ACAP3: variants seen among roughly 807,000 people sequenced by gnomAD.
The protein encoded by ACAP3 is arf-GAP with coiled-coil, ANK repeat and PH domain-containing protein 3.
A neutral mutation model predicts 104.1 loss-of-function variants in ACAP3; 56 were observed. The ratio of observed to expected loss-of-function variants is 0.54; its 90% CI spans 0.43 to 0.67. The LOEUF is 0.67. Among genes scored for constraint, ACAP3 ranks in the 30% least tolerant of loss-of-function variants. The pLI is 0.00. For missense variants in ACAP3, 1,208 were observed against 1,174.9 expected, an observed-to-expected ratio of 1.03 and a Z score of -0.41; for synonymous variants, 628 against 496.2, an observed-to-expected ratio of 1.27 and a Z score of -3.53.
rs115280881 is a variant in ACAP3 at position 1,294,934 on chromosome 1, G to C, written c.1814-118C>G. Reference sequence around the variant, plus strand: ...GGGGCCACCCCTAGGGACAGGACCAGCTCCCACCCAGGGCCGGGGGGAGCC... The same window carrying C: ...GGGGCCACCCCTAGGGACAGGACCACCTCCCACCCAGGGCCGGGGGGAGCC... On this transcript the variant is annotated intron_variant, in intron 19 of 23. Coordinates refer to ENST00000354700, the MANE Select transcript of ACAP3 (RefSeq NM_030649.3). 8.5e-4 allele frequency: 853 copies of C among 1,000,316 alleles called. 1 individual carries two copies. In the African/African-American group the frequency reaches 0.013, roughly 15 times the overall value. 62.0% of individuals were successfully genotyped at this position (1,000,316 alleles called of 1,614,324 possible). A position where few individuals can be genotyped will look rare whatever the true frequency, so the allele number is the denominator to read the frequency against.
At position 1,303,119 on chromosome 1, in the gene ACAP3, C is replaced by A. The variant is rs1641523739; in HGVS notation, c.225+43G>T. On this transcript the variant is annotated intron_variant, in intron 3 of 23. Transcript: ENST00000354700. This position sits in a 1 kb window ranked among gnomAD's most constrained non-coding sequence, Gnocchi z 4.0. ...CAAGGGGCTGCCTCCCTCGGCCTCT[C>A]CCCCAACCCCACCTTGAGGTCAGAG... 2 of 1,567,948 alleles carry A rather than the reference C, an allele frequency of 1.3e-6. No homozygotes were observed. The highest frequency in any genetic ancestry group is 8.6e-7 in the Non-Finnish European group (1 of 1,156,748).
In ACAP3 at chr1:1,295,376, C is replaced by T. The variant is rs1008632269; in HGVS notation, c.1813+71G>A. On this transcript the variant is annotated intron_variant, in intron 19 of 23. Coordinates refer to ENST00000354700, the MANE Select transcript of ACAP3 (RefSeq NM_030649.3). ...TCCATTCCCTGGCAAGGGCCATCCA[C>T]ACTCAGGCACCCTTCAGGCCAGCCT... The T allele has an allele frequency of 9.1e-6, 13 of 1,433,212 alleles. No individual in the cohort carries two copies. In the African/African-American group the frequency reaches 1.1e-4, roughly 12 times the overall value. 88.8% of individuals were successfully genotyped at this position (1,433,212 alleles called of 1,614,324 possible). A position where few individuals can be genotyped will look rare whatever the true frequency, so the allele number is the denominator to read the frequency against.
chr1:1,305,845 G>A (rs1641669437), intron 1 of ACAP3: 1 of 152,238 alleles, frequency 6.6e-6, no homozygotes, highest in South Asian at 2.1e-4. Flanking sequence ...ACTGCACCTG[G>A]GCTGCCACTA....
chr1:1,299,958 C>A lies in ACAP3; in HGVS notation c.663+15G>T, dbSNP rs763545001. 4.4e-6 allele frequency: 7 copies of A among 1,605,326 alleles called. No individual in the cohort carries two copies. The highest frequency in any genetic ancestry group is 6.0e-6 in the Non-Finnish European group (7 of 1,174,268). On this transcript the variant is annotated intron_variant, in intron 8 of 23. Transcript: ENST00000354700. ...ACGGAGGCCTGGCCCAGCCCCACCC[C>A]TCCCAAAGGCTCACCTCGGCTGCCA...
At position 1,299,716 on chromosome 1, in the gene ACAP3, GGGCAGGTGGGAGACA is replaced by G. The variant is rs901446721; in HGVS notation, c.738+100_738+114del. On this transcript the variant is annotated intron_variant, in intron 9 of 23. Transcript: ENST00000354700. The stretch of plus-strand genomic sequence containing the variant: ...TGGTCCCCTAGAGAGGGTGTGGGCA[GGGCAGGTGGGAGACA>G]GGCAGGAGGAAGGGGCGGGGAGGGT... The G allele has an allele frequency of 2.8e-5, 35 of 1,236,746 alleles. 1 individual carries two copies. Among genetic ancestry groups the G allele is most frequent in the Middle Eastern group, 5.2e-4 (2 of 3,830 alleles). The allele number at this position is 1,236,746 out of a possible 1,614,324, so 76.6% of individuals were successfully genotyped here. A position where few individuals can be genotyped will look rare whatever the true frequency, so the allele number is the denominator to read the frequency against.
rs1156508437 is a variant in ACAP3, at chr1:1,303,039, C to G, written c.226-64G>C. 5.8e-6 allele frequency: 9 copies of G among 1,564,852 alleles called. No individual in the cohort carries two copies. The highest frequency in any genetic ancestry group is 6.9e-6 in the Non-Finnish European group (8 of 1,154,068). On this transcript the variant is annotated intron_variant, in intron 3 of 23. Transcript: ENST00000354700. This position sits in a 1 kb window ranked among gnomAD's most constrained non-coding sequence, Gnocchi z 4.0. Reference sequence around the variant, plus strand: ...TCCGGGCCCAGGTCACCCAGCCACGCCCTCTGAGCCCCTGGGCGGTGCAGA... The same window carrying G: ...TCCGGGCCCAGGTCACCCAGCCACGGCCTCTGAGCCCCTGGGCGGTGCAGA...
At position 1,295,756 on chromosome 1, in the gene ACAP3, C is replaced by T. The variant is rs777522679; in HGVS notation, c.1685G>A (p.Cys562Tyr). The change falls in exon 18 of 24, where the codon TGT (cysteine) becomes TAT (tyrosine). Residue 562 changes from cysteine (C) to tyrosine (Y), a missense_variant. By Grantham distance (194) the Cys-to-Tyr change is radical. Coordinates refer to ENST00000354700, the MANE Select transcript of ACAP3 (RefSeq NM_030649.3). ...CCCACCTGAGGACAGAGCGGCCACA[C>T]AGGGCAGAACGGGCTCAAGCCGGAC... The part of the protein sequence containing the change: ...RKVRLEPVLP[C>Y]VAALSSVGTL... The T allele has an allele frequency of 3.1e-6, 5 of 1,605,528 alleles. No homozygotes were observed. The highest frequency in any genetic ancestry group is 4.2e-6 in the Non-Finnish European group (5 of 1,178,356).
intron 1 of ACAP3, among the ~76,000 whole-genome samples, chr1:1,306,334 G>A (rs566201609): frequency 1.7e-4 from 26 of 150,918 alleles, no homozygotes; most frequent in South Asian, 8.3e-4. Flanking sequence ...CTGACGGAGG[G>A]GCCAGGGAGA....
Position 1,296,595 on chromosome 1 carries a change from G to A in ACAP3, c.1167C>T (p.Ile389=), listed in dbSNP as rs1250518263. The A allele has an allele frequency of 4.6e-5, 71 of 1,539,022 alleles. No individual in the cohort carries two copies. The highest frequency in any genetic ancestry group is 5.8e-5 in the Non-Finnish European group (67 of 1,146,588). Residue 389 remains isoleucine (I), a synonymous_variant, in exon 15 of 24, where the codon ATC becomes ATT. Coordinates refer to ENST00000354700, the MANE Select transcript of ACAP3 (RefSeq NM_030649.3). The part of the protein sequence containing the change: ...DRTASPSTSS[I]DSATDTRERG... ...GCTCCCGAGTGTCGGTGGCGGAGTC[G>A]ATGCTGCTCGTGGACGGGGATGCTG...
At chr1:1,294,994 A>C in intron 19 of ACAP3, 178 bp from the exon 20 acceptor site, 2 of 614,280 alleles carry the variant, frequency 3.3e-6, no homozygotes, top group Non-Finnish European at 2.8e-6. Flanking sequence ...AGAAAACCAA[A>C]TAACAGCTCA....
Position 1,303,451 on chromosome 1 carries a change from GCTT to G in ACAP3, c.106-173_106-171del. ...TTCCTCACGCCTGGGCCTGCCTGGG[GCTT>G]GGAGGCCCGTCTGGGAGGGGAGGGT... On this transcript the variant is annotated intron_variant, in intron 2 of 23. Transcript: ENST00000354700. The surrounding 1 kb of genome is among the most constrained non-coding windows in gnomAD (Gnocchi z 4.0). 1 of 775,752 alleles carries G rather than the reference GCTT, an allele frequency of 1.3e-6. No individual in the cohort carries two copies. The highest frequency in any genetic ancestry group is 1.9e-6 in the Non-Finnish European group (1 of 523,936). The allele number at this position is 775,752 out of a possible 1,614,324, so 48.1% of individuals were successfully genotyped here.
At position 1,297,554 on chromosome 1, in the gene ACAP3, CGTGT is replaced by C. The variant is rs769407965; in HGVS notation, c.1128+264_1128+267del. ...GGGGCAGGGGCCATCCCCGGTGGCA[CGTGT>C]GTGTGTGCACGGGCTTGGGGCAGGG... is the stretch of plus-strand genomic sequence containing the variant. On this transcript the variant is annotated intron_variant, in intron 14 of 23. Coordinates refer to ENST00000354700, the MANE Select transcript of ACAP3 (RefSeq NM_030649.3). 0.025 allele frequency among the ~76,000 whole-genome samples: 199 copies of C among 7,844 alleles called. 58 individuals carry two copies. In the African/African-American group the frequency reaches 0.29, roughly 11 times the overall value. 5.1% of individuals were successfully genotyped at this position (7,844 alleles called of 152,430 possible).
chr1:1,294,994 A>G (rs1641054798), intron 19 of ACAP3, 178 bp from the exon 20 acceptor site: 5 of 614,190 alleles, frequency 8.1e-6, no homozygotes, highest in South Asian at 4.0e-5. Flanking sequence ...AGAAAACCAA[A>G]TAACAGCTCA....
intron 12 of ACAP3, 23 bp downstream of exon 12, chr1:1,298,347 C>G: frequency 6.2e-7 from 1 of 1,606,284 alleles, no homozygotes; most frequent in Non-Finnish European, 8.5e-7. Flanking sequence ...CATCAGGGCC[C>G]CAGCCCCAGG....
chr1:1,296,059 C>T lies in ACAP3; in HGVS notation c.1458G>A (p.Gln486=), dbSNP rs765960598. ...GTTTCCTGCTGCCTGCACCCTCACA[C>T]TGGGCCTCATAGATCTGATTCACAG... The part of the protein sequence containing the change: ...NSAVNQIYEA[Q]CEGAGSRKPT... The change falls in exon 17 of 24, where the codon CAG becomes CAA. Residue 486 remains glutamine, a synonymous_variant. Transcript: ENST00000354700. 1 of 1,612,822 alleles carries T rather than the reference C, an allele frequency of 6.2e-7. No homozygotes were observed. Among genetic ancestry groups the T allele is most frequent in the Non-Finnish European group, 8.5e-7 (1 of 1,179,976 alleles).
chr1:1,296,956 C>T (rs958347484), intron 14 of ACAP3, among the ~76,000 whole-genome samples: 1 of 152,266 alleles, frequency 6.6e-6, no homozygotes, highest in Non-Finnish European at 1.5e-5. Flanking sequence ...CGTGCACACC[C>T]TCACATGGGC....
chr1:1,293,838 G>A lies in ACAP3; in HGVS notation c.2345C>T (p.Ala782Val), dbSNP rs767252350. ...PLAIAVQAAN[A>V]DIVTLLRLAR... The stretch of plus-strand genomic sequence containing the variant: ...CCGCGCTCACAGTGTCACGATGTCA[G>A]CGTTGGCCGCCTGCACTGCGATGGC... The change falls in exon 23 of 24, where the codon GCT becomes GTT. Residue 782 changes from alanine to valine, a missense_variant. Coordinates refer to ENST00000354700, the MANE Select transcript of ACAP3 (RefSeq NM_030649.3). The A allele has an allele frequency of 1.3e-6, 2 of 1,553,246 alleles. No individual in the cohort carries two copies. The highest frequency in any genetic ancestry group is 1.7e-4 in the Middle Eastern group (1 of 5,816).
In ACAP3 at chr1:1,297,685, G is replaced by A. The variant is rs188376002; in HGVS notation, c.1128+137C>T. On this transcript the variant is annotated intron_variant, in intron 14 of 23. Transcript: ENST00000354700. ...CAGGCGCGGGGCAGGGGCCATCCCC[G>A]GTGGCACGTGTGCACGGGCACGGGG... 100 of 625,726 alleles carry A rather than the reference G, an allele frequency of 1.6e-4. 19 individuals carry two copies. In the African/African-American group the frequency reaches 4.1e-3, roughly 25 times the overall value. The allele number at this position is 625,726 out of a possible 1,614,324, so 38.8% of individuals were successfully genotyped here.
At position 1,303,694 on chromosome 1, in the gene ACAP3, T is replaced by TG. The variant is rs1383778257; in HGVS notation, c.105+391dup. 5.5e-6 allele frequency: 2 copies of TG among 361,060 alleles called. No individual in the cohort carries two copies. Among genetic ancestry groups the TG allele is most frequent in the Non-Finnish European group, 1.0e-5 (2 of 196,598 alleles). The allele number at this position is 361,060 out of a possible 1,614,324, so 22.4% of individuals were successfully genotyped here. ...GTTGCCCCCTCTTTCTCAGCCCATG[T>TG]GGGGCTCATGGACACGGCTCCCCCC... On this transcript the variant is annotated intron_variant, in intron 2 of 23. Coordinates refer to ENST00000354700, the MANE Select transcript of ACAP3 (RefSeq NM_030649.3). The surrounding 1 kb of genome is among the most constrained non-coding windows in gnomAD (Gnocchi z 4.0).
Sources: allele counts gnomAD v4.1 joint callset (sites outside exome capture counted in the v4.1 genomes callset), GRCh38; gene constraint gnomAD v4.1.1; non-coding constraint Gnocchi (gnomAD v3.1); transcripts MANE v1.5; gene names NCBI Gene and HGNC (gene_info 2026-07-23, HGNC 2026-07-21).